RNF6: variants seen among roughly 807,000 people sequenced by gnomAD.
The protein encoded by RNF6 is E3 ubiquitin-protein ligase RNF6.
A neutral mutation model predicts 50.1 loss-of-function variants in RNF6; 21 were observed. The ratio of observed to expected loss-of-function variants is 0.42; its 90% confidence interval spans 0.30 to 0.60. The LOEUF (loss-of-function observed/expected upper bound fraction) is 0.60, where lower values mean the gene tolerates loss of function less well. Ranked by LOEUF, RNF6 falls within the 20% of genes least tolerant of loss-of-function variation. The pLI is 0.20. For synonymous variants in RNF6, 255 were observed against 291.8 expected (o/e 0.87, Z 1.29); for missense variants, 698 against 838.2 (o/e 0.83, Z 2.07).
At chr13:26,176,385 G>A (rs190567453) in intron 5 of RNF6, among the ~76,000 whole-genome samples, 1 of 152,180 alleles carries the variant, frequency 6.6e-6, no homozygotes, top group East Asian at 1.9e-4. Flanking sequence ...GAACTCCTGA[G>A]CTCAAGCGAT....
At chr13:26,204,571 T>C (rs1046495910) in intron 5 of RNF6, among the ~76,000 whole-genome samples, 2 of 151,708 alleles carry the variant, frequency 1.3e-5, no homozygotes, top group Admixed American at 6.6e-5. Flanking sequence ...CTTTGGTCTT[T>C]AAAAGCAGGC....
intron 5 of RNF6, among the ~76,000 whole-genome samples, chr13:26,141,522 C>T (rs754869185): frequency 2.0e-5 from 3 of 151,454 alleles, no homozygotes; most frequent in Non-Finnish European, 4.4e-5. Context: ...GGTACTGGTA[C>T]AAAAGGAGAC....
intron 5 of RNF6, among the ~76,000 whole-genome samples, chr13:26,164,742 G>A (rs73158247): frequency 0.098 from 14,900 of 151,934 alleles, 1,019 homozygotes; most frequent in African/African-American, 0.19. Flanking sequence ...GCCTCTCATG[G>A]ATGAGATCTT....
chr13:26,213,683 A>T lies in RNF6; in HGVS notation c.*141T>A. On this transcript the variant is annotated 3_prime_UTR_variant, in exon 5 of 5. Transcript: ENST00000381588. Reference sequence around the variant, plus strand: ...ATATAAATTTCTTTTTAACAAGTTTAAAAAAGCACACGAAAAATAGTTCAA... The same window carrying T: ...ATATAAATTTCTTTTTAACAAGTTTTAAAAAGCACACGAAAAATAGTTCAA... 1.1e-5 allele frequency: 6 copies of T among 537,022 alleles called. No individual in the cohort carries two copies. The highest frequency in any genetic ancestry group is 1.5e-5 in the Non-Finnish European group (5 of 336,278). 33.3% of individuals were successfully genotyped at this position (537,022 alleles called of 1,614,324 possible). A position where few individuals can be genotyped will look rare whatever the true frequency, so the allele number is the denominator to read the frequency against.
intron 5 of RNF6, chr13:26,150,993 G>A (rs1871560463): frequency 1.3e-5 from 2 of 152,050 alleles, no homozygotes; most frequent in South Asian, 4.1e-4. Flanking sequence ...TACACTCAAA[G>A]TCACACTACT....
At chr13:26,173,854 G>A (rs1341424770) in intron 5 of RNF6, among the ~76,000 whole-genome samples, 1 of 150,812 alleles carries the variant, frequency 6.6e-6, no homozygotes, top group Non-Finnish European at 1.5e-5. Context: ...GGGAGGCTGA[G>A]GCAGGAGAAT....
At chr13:26,172,599 A>G (rs955134580) in intron 5 of RNF6, among the ~76,000 whole-genome samples, 53 of 150,292 alleles carry the variant, frequency 3.5e-4, no homozygotes, top group African/African-American at 1.1e-3. Context: ...GCTGGAGTGC[A>G]GTGGCGCGAT....
In RNF6 at chr13:26,214,305, T is replaced by A. The variant is rs1052690486; in HGVS notation, c.1577A>T (p.Asp526Val). 1.2e-6 allele frequency: 2 copies of A among 1,614,182 alleles called. No homozygotes were observed. Among genetic ancestry groups the A allele is most frequent in the East Asian group, 2.2e-5 (1 of 44,872 alleles). ...TTCCCTGTGCTGGCTCCTGTTGTTA[T>A]CTGTACCTAAGTTACTCAGTTCTGA... Reference protein sequence around the residue: ...MHSELSNLGTDNNRSQHREGS... With the variant: ...MHSELSNLGTVNNRSQHREGS... Residue 526 changes from aspartate to valine, a missense_variant, in exon 5 of 5, where the codon GAT becomes GTT. By Grantham distance (152) the Asp-to-Val change is radical. Coordinates refer to ENST00000381588, the MANE Select transcript of RNF6 (RefSeq NM_005977.4).
chr13:26,142,229 C>T (rs1327793910), intron 5 of RNF6: 1 of 152,132 alleles, frequency 6.6e-6, no homozygotes, highest in Non-Finnish European at 1.5e-5. Context: ...CAAAAAACAA[C>T]AGATGTTGGT....
chr13:26,212,600 C>T (rs962109775), downstream of RNF6, among the ~76,000 whole-genome samples: 4 of 150,836 alleles, frequency 2.7e-5, no homozygotes, highest in African/African-American at 7.3e-5. Flanking sequence ...TTCACTTTAT[C>T]AATTGATATT....
Position 26,215,484 on chromosome 13 carries a change from G to C in RNF6, c.398C>G (p.Thr133Ser). Reference protein sequence around the residue: ...ATRSGQNGNQTWRAVSRTNPN... With the variant: ...ATRSGQNGNQSWRAVSRTNPN... ...GTTTGTTCGACTCACAGCTCTCCAA[G>C]TTTGGTTCCCATTTTGTCCACTTCG... Residue 133 changes from threonine (T) to serine (S), a missense_variant, in exon 5 of 5, where the codon ACT (threonine) becomes AGT (serine). Thr to Ser is a moderately conservative substitution (Grantham distance 58, BLOSUM62 1). Transcript: ENST00000381588. 1 of 1,614,112 alleles carries C rather than the reference G, an allele frequency of 6.2e-7. No individual in the cohort carries two copies. Among genetic ancestry groups the C allele is most frequent in the African/African-American group, 1.3e-5 (1 of 75,052 alleles).
downstream of RNF6, among the ~76,000 whole-genome samples, chr13:26,210,581 T>G (rs1462745843): frequency 2.6e-5 from 4 of 152,198 alleles, no homozygotes; most frequent in Admixed American, 1.3e-4. Flanking sequence ...AGACATATGA[T>G]AGAACAAAGT....
chr13:26,138,760 A>C (rs1385356722), intron 5 of RNF6, among the ~76,000 whole-genome samples: 2 of 152,242 alleles, frequency 1.3e-5, no homozygotes, highest in African/African-American at 4.8e-5. Flanking sequence ...GTAGTTAAAG[A>C]AATAACAAGG....
At chr13:26,172,907 A>G (rs1872770413) in intron 5 of RNF6, among the ~76,000 whole-genome samples, 1 of 152,194 alleles carries the variant, frequency 6.6e-6, no homozygotes, top group Admixed American at 6.5e-5. Context: ...TTCTACCCAG[A>G]CTATGTAAAA....
At chr13:26,206,162 G>T (rs986469705) in intron 5 of RNF6, among the ~76,000 whole-genome samples, 5 of 152,132 alleles carry the variant, frequency 3.3e-5, no homozygotes, top group Non-Finnish European at 7.4e-5. Context: ...CCTTTGACTG[G>T]GGAACCCTTC....
intron 5 of RNF6, among the ~76,000 whole-genome samples, chr13:26,164,242 C>T (rs1336073257): frequency 3.3e-5 from 5 of 152,086 alleles, no homozygotes; most frequent in Non-Finnish European, 5.9e-5. Context: ...AAATTTTGGC[C>T]ATTATTTCTT....
intron 5 of RNF6, among the ~76,000 whole-genome samples, chr13:26,178,591 CGTGTGTGTGTGTGTGTGTGT>C (rs3981342): frequency 2.1e-4 from 21 of 100,334 alleles, no homozygotes; most frequent in South Asian, 1.7e-3. Context: ...CTGCCTGGTC[CGTGTGTGTGTGTGTGTGTGT>C]GTGTGTGTGT....
chr13:26,146,919 A>G (rs1203091863), intron 5 of RNF6, among the ~76,000 whole-genome samples: 3 of 152,134 alleles, frequency 2.0e-5, no homozygotes, highest in Admixed American at 2.0e-4. Flanking sequence ...TAGAGCTCTC[A>G]TGAGATCTGG....
intron 5 of RNF6, among the ~76,000 whole-genome samples, chr13:26,196,489 A>G (rs527941391): frequency 7.8e-4 from 119 of 152,190 alleles, no homozygotes; most frequent in African/African-American, 2.7e-3. Context: ...AGTCTCTACT[A>G]AAAATACAAA....
Sources: allele counts gnomAD v4.1 joint callset (sites outside exome capture counted in the v4.1 genomes callset), GRCh38; gene constraint gnomAD v4.1.1; transcripts MANE v1.5; gene names NCBI Gene and HGNC (gene_info 2026-07-23, HGNC 2026-07-21).